CBFA2T2: variants seen among roughly 807,000 people sequenced by gnomAD.
CBFA2T2 encodes the protein protein CBFA2T2.
In CBFA2T2, 11 loss-of-function variants were observed where a neutral mutation model predicts 62.2. That is an observed-to-expected ratio of 0.18 (90% confidence interval 0.11 to 0.29). The LOEUF (loss-of-function observed/expected upper bound fraction) is 0.29, where lower values mean the gene tolerates loss of function less well. Ranked by LOEUF, CBFA2T2 falls within the 10% of genes least tolerant of loss-of-function variation. CBFA2T2 has a pLI of 1.00. For missense variants in CBFA2T2, 592 were observed against 774.1 expected (o/e 0.76, Z 2.79); for synonymous variants, 295 against 287.5 (o/e 1.03, Z -0.27).
At chr20:33,509,884 A>G (rs930663335) in intron 1 of CBFA2T2, among the ~76,000 whole-genome samples, 1 of 151,214 alleles carries the variant, frequency 6.6e-6, no homozygotes, top group African/African-American at 2.4e-5. Flanking sequence ...GTTTTGTTAC[A>G]TAGGTATACA....
intron 7 of CBFA2T2, among the ~76,000 whole-genome samples, chr20:33,628,863 G>A (rs2016347754): frequency 6.6e-6 from 1 of 152,214 alleles, no homozygotes; most frequent in Non-Finnish European, 1.5e-5. Flanking sequence ...AGCTGGTTTA[G>A]CTACTACTCC....
intron 9 of CBFA2T2, among the ~76,000 whole-genome samples, chr20:33,637,259 C>A (rs910518324): frequency 1.3e-5 from 2 of 152,184 alleles, no homozygotes; most frequent in Non-Finnish European, 2.9e-5. Context: ...TCAGCCTTAT[C>A]CAAATATTGG....
At chr20:33,536,552 G>A (rs1210953546) in intron 1 of CBFA2T2, among the ~76,000 whole-genome samples, 1 of 151,126 alleles carries the variant, frequency 6.6e-6, no homozygotes, top group Non-Finnish European at 1.5e-5. Context: ...GTGGCTGCCG[G>A]GCGTAGGGGC....
intron 1 of CBFA2T2, among the ~76,000 whole-genome samples, chr20:33,591,643 C>T (rs866791086): frequency 6.6e-6 from 1 of 152,238 alleles, no homozygotes; most frequent in Middle Eastern, 3.4e-3. Flanking sequence ...GGCACATATA[C>T]CATTTCATTG....
At chr20:33,551,215 T>C (rs2012732936) in intron 1 of CBFA2T2, among the ~76,000 whole-genome samples, 1 of 151,812 alleles carries the variant, frequency 6.6e-6, no homozygotes, top group Non-Finnish European at 1.5e-5. Flanking sequence ...ATTTATTTTC[T>C]GTGCTTTTTT....
chr20:33,642,084 C>T (rs1290901171), intron 10 of CBFA2T2, among the ~76,000 whole-genome samples: 10 of 148,416 alleles, frequency 6.7e-5, no homozygotes, highest in African/African-American at 1.5e-4. Context: ...CCTCCCTTTT[C>T]GTTCTCTCCT....
intron 1 of CBFA2T2, among the ~76,000 whole-genome samples, chr20:33,490,861 T>A (rs991226885): frequency 1.3e-5 from 2 of 152,224 alleles, no homozygotes; most frequent in East Asian, 3.8e-4. Context: ...TCTTGGGTTT[T>A]GTGAGGCCAG....
intron 10 of CBFA2T2, among the ~76,000 whole-genome samples, chr20:33,641,603 A>G (rs776011487): frequency 6.6e-6 from 1 of 152,118 alleles, no homozygotes; most frequent in Non-Finnish European, 1.5e-5. Flanking sequence ...ATTCTCTTGA[A>G]GTTCAGCACT....
intron 1 of CBFA2T2, among the ~76,000 whole-genome samples, chr20:33,535,374 T>A (rs1179729361): frequency 1.3e-5 from 2 of 151,264 alleles, no homozygotes; most frequent in African/African-American, 2.4e-5. Flanking sequence ...CACATAGTCG[T>A]GGTGGTTGGG....
intron 8 of CBFA2T2, among the ~76,000 whole-genome samples, chr20:33,636,258 CAA>C (rs34178424): frequency 0.011 from 815 of 75,060 alleles, 3 homozygotes; most frequent in Non-Finnish European, 0.014. Context: ...GACTCCGTCT[CAA>C]AAAAAAAAAA....
chr20:33,520,866 G>A (rs1026257779), intron 1 of CBFA2T2, among the ~76,000 whole-genome samples: 2 of 151,288 alleles, frequency 1.3e-5, no homozygotes, highest in African/African-American at 4.9e-5. Context: ...GAGTGTTTTC[G>A]TTTATTTGTT....
chr20:33,636,622 T>C lies in CBFA2T2; in HGVS notation c.1229-18T>C, dbSNP rs770759700. 1 of 1,606,718 alleles carries C rather than the reference T, an allele frequency of 6.2e-7. No homozygotes were observed. The highest frequency in any genetic ancestry group is 8.5e-7 in the Non-Finnish European group (1 of 1,173,654). On this transcript the variant is annotated intron_variant, in intron 8 of 10. Coordinates refer to ENST00000342704, the MANE Select transcript of CBFA2T2 (RefSeq NM_001032999.3). ...ATAGACAGCTTCTGACCCTATGCTT[T>C]TTATGTCTCTTCTGCAGATTCTCAG...
intron 1 of CBFA2T2, among the ~76,000 whole-genome samples, chr20:33,555,207 T>C (rs1000477285): frequency 3.3e-5 from 5 of 152,204 alleles, no homozygotes; most frequent in African/African-American, 9.7e-5. Flanking sequence ...TATGTTTACA[T>C]TGGGCTTCAG....
At chr20:33,566,766 G>A (rs2013334154) in intron 1 of CBFA2T2, among the ~76,000 whole-genome samples, 1 of 152,166 alleles carries the variant, frequency 6.6e-6, no homozygotes, top group Non-Finnish European at 1.5e-5. Flanking sequence ...AGGATGGAAA[G>A]GTTCCCTTTC....
intron 1 of CBFA2T2, among the ~76,000 whole-genome samples, chr20:33,604,524 G>T (rs925944821): frequency 1.3e-5 from 2 of 152,174 alleles, no homozygotes; most frequent in Admixed American, 1.3e-4. Context: ...GTAGGTTTTG[G>T]GTGGTGAAAT....
chr20:33,548,858 A>G (rs1443455509), intron 1 of CBFA2T2, among the ~76,000 whole-genome samples: 1 of 152,142 alleles, frequency 6.6e-6, no homozygotes, highest in Non-Finnish European at 1.5e-5. Flanking sequence ...CAGGAGGCTG[A>G]AGCAGGAAGA....
chr20:33,523,484 T>C (rs2011790749), intron 1 of CBFA2T2, among the ~76,000 whole-genome samples: 1 of 152,088 alleles, frequency 6.6e-6, no homozygotes, highest in African/African-American at 2.4e-5. Flanking sequence ...ATTCTTATTT[T>C]TCAAAAGCAT....
At chr20:33,626,012 G>A (rs923053503) in intron 6 of CBFA2T2, among the ~76,000 whole-genome samples, 9 of 152,202 alleles carry the variant, frequency 5.9e-5, no homozygotes, top group African/African-American at 1.9e-4. Context: ...TGAGGCAGGA[G>A]AATGGCGTGA....
chr20:33,577,398 C>T (rs1600996863), intron 1 of CBFA2T2, among the ~76,000 whole-genome samples: 1 of 152,112 alleles, frequency 6.6e-6, no homozygotes, highest in Admixed American at 6.5e-5. Context: ...CATTGCCACT[C>T]CTTAAGCCCA....
Sources: gnomAD v4.1 joint callset for allele counts (sites outside exome capture counted in the v4.1 genomes callset) on GRCh38, gnomAD v4.1.1 for gene constraint, MANE v1.5 for transcripts, NCBI Gene and HGNC (gene_info 2026-07-23, HGNC 2026-07-21) for gene names.